ASPSCR1: variants seen among roughly 807,000 people sequenced by gnomAD.
ASPSCR1 encodes the protein tether containing UBX domain for GLUT4.
In ASPSCR1, 55 loss-of-function variants were observed where a neutral mutation model predicts 68.9. The observed-to-expected ratio is 0.80, with a 90% CI of 0.64 to 1.00. ASPSCR1 has a LOEUF of 1.00. ASPSCR1 is among the 50% of genes least tolerant of loss of function. ASPSCR1 has a pLI of 0.00. For missense variants in ASPSCR1, 765 were observed against 762.2 expected (o/e 1.00, Z -0.04); for synonymous variants, 352 against 332.6 (o/e 1.06, Z -0.63).
In ASPSCR1 at chr17:81,987,001, G is replaced by A. The variant is rs557746230; in HGVS notation, c.374+1394G>A. ...ATTCTCCCTCCCAAAACGGAACTCA[G>A]ACAACAGTGACGGAGCCTAAGAGCA... On this transcript the variant is annotated intron_variant, in intron 4 of 15. Coordinates refer to ENST00000306739, the MANE Select transcript of ASPSCR1 (RefSeq NM_024083.4). The surrounding 1 kb of genome is among the most constrained non-coding windows in gnomAD (Gnocchi z 5.6). Among the ~76,000 whole-genome samples, 8 of 152,376 alleles carry A rather than the reference G, an allele frequency of 5.3e-5. No homozygotes were observed. The highest frequency in any genetic ancestry group is 5.2e-4 in the Admixed American group (8 of 15,302).
Position 82,011,440 on chromosome 17 carries a change from C to T in ASPSCR1, c.1238-103C>T, listed in dbSNP as rs769247388. 387 of 1,141,782 alleles carry T rather than the reference C, an allele frequency of 3.4e-4. 1 individual carries two copies. Among genetic ancestry groups the T allele is most frequent in the Non-Finnish European group, 4.4e-4 (359 of 812,766 alleles). 70.7% of individuals were successfully genotyped at this position (1,141,782 alleles called of 1,614,324 possible). A position where few individuals can be genotyped will look rare whatever the true frequency, so the allele number is the denominator to read the frequency against. On this transcript the variant is annotated intron_variant, in intron 10 of 15. Coordinates refer to ENST00000306739, the MANE Select transcript of ASPSCR1 (RefSeq NM_024083.4). ...GGAACAGGGCTGAATTCCCACCCCT[C>T]GGGGAAAGGCCCAGGAGGGTGGGAG...
chr17:81,983,234 C>T lies in ASPSCR1; in HGVS notation c.159-320C>T, dbSNP rs745853989. Among the ~76,000 whole-genome samples, 9 of 152,208 alleles carry T rather than the reference C, an allele frequency of 5.9e-5. No individual in the cohort carries two copies. Among genetic ancestry groups the T allele is most frequent in the African/African-American group, 1.9e-4 (8 of 41,460 alleles). ...AGTGCAGCAGTGTTCACGCCCCAGT[C>T]GTTCTCTCTGTGTTTTCCGAGCGTC... On this transcript the variant is annotated intron_variant, in intron 2 of 15. Coordinates refer to ENST00000306739, the MANE Select transcript of ASPSCR1 (RefSeq NM_024083.4). The surrounding 1 kb of genome is among the most constrained non-coding windows in gnomAD (Gnocchi z 4.4).
At chr17:82,002,833 C>T (rs1214050515) in intron 7 of ASPSCR1, among the ~76,000 whole-genome samples, 1 of 152,120 alleles carries the variant, frequency 6.6e-6, no homozygotes. Context: ...GTTAGGATTA[C>T]AGGCGTGAGC....
At position 82,000,306 on chromosome 17, in the gene ASPSCR1, G is replaced by T. The variant is rs2042486685; in HGVS notation, c.933+3460G>T. On this transcript the variant is annotated intron_variant, in intron 7 of 15. Coordinates refer to ENST00000306739, the MANE Select transcript of ASPSCR1 (RefSeq NM_024083.4). ...GCCCGCCCGTGCTCGCCCGTCGGGA[G>T]GCGCTGTTGGGGTGGGGTCTTGGCT... is the stretch of plus-strand genomic sequence containing the variant. Among the ~76,000 whole-genome samples the T allele has an allele frequency of 2.0e-5, 3 of 152,254 alleles. No individual in the cohort carries two copies. The South Asian group carries it at 6.2e-4, about 31-fold the overall frequency.
At chr17:82,008,880 C>T (rs1332018808) in intron 7 of ASPSCR1, 157 bp from the exon 8 acceptor site, 8 of 1,085,772 alleles carry the variant, frequency 7.4e-6, no homozygotes, top group Non-Finnish European at 1.0e-5. Context: ...CAGCCCTGCC[C>T]CCAGGACCTG....
chr17:81,998,220 C>T (rs983659028), intron 7 of ASPSCR1, among the ~76,000 whole-genome samples: 1 of 152,204 alleles, frequency 6.6e-6, no homozygotes, highest in East Asian at 1.9e-4. Context: ...ATCTTCTTAT[C>T]TCAGCCACCC....
At chr17:81,996,238 G>A (rs1193499220) in intron 6 of ASPSCR1, among the ~76,000 whole-genome samples, 173 bp downstream of exon 6, 3 of 152,116 alleles carry the variant, frequency 2.0e-5, no homozygotes, top group African/African-American at 4.8e-5. Flanking sequence ...GGGCTGCCCC[G>A]ACCTCATCTC....
chr17:82,009,158 T>C lies in ASPSCR1; in HGVS notation c.1055T>C (p.Val352Ala), dbSNP rs1306486380. The change falls in exon 8 of 16, where the codon GTG becomes GCG. Residue 352 changes from valine to alanine, a missense_variant. Val to Ala is a moderately conservative substitution (Grantham distance 64). Coordinates refer to ENST00000306739, the MANE Select transcript of ASPSCR1 (RefSeq NM_024083.4). ...DEFFELTVDD[V>A]RRRLAQLKSE... ...TTCTTTGAGCTGACGGTGGACGACGTGAGAAGACGCTTGGCCCAGCTCAAG... is the reference window on the plus strand; with the variant it reads ...TTCTTTGAGCTGACGGTGGACGACGCGAGAAGACGCTTGGCCCAGCTCAAG... 1.9e-6 allele frequency: 3 copies of C among 1,610,896 alleles called. No homozygotes were observed. The highest frequency in any genetic ancestry group is 2.5e-6 in the Non-Finnish European group (3 of 1,178,958).
chr17:81,997,077 T>A (rs7222219), intron 7 of ASPSCR1, among the ~76,000 whole-genome samples: 1 of 55,640 alleles, frequency 1.8e-5, no homozygotes, highest in Admixed American at 1.4e-4. Flanking sequence ...AGACGGTGGC[T>A]GTGTCTGCTC....
At chr17:81,996,996 A>T in intron 7 of ASPSCR1, 150 bp downstream of exon 7, 1 of 1,454,618 alleles carries the variant, frequency 6.9e-7, no homozygotes, top group Non-Finnish European at 9.1e-7. Flanking sequence ...GGGGCTCTGG[A>T]CAGGAGCCTT....
At chr17:82,007,884 G>A (rs2042775062) in intron 7 of ASPSCR1, 1 of 152,310 alleles carries the variant, frequency 6.6e-6, no homozygotes, top group African/African-American at 2.4e-5. Context: ...GCTGCAGGAT[G>A]GTTGTGGCTT....
chr17:81,996,847 G>A lies in ASPSCR1; in HGVS notation c.933+1G>A, dbSNP rs2042362217. ...CCAGCAGGAGCAGGAGCGGGAGCGG[G>A]TAAAAGGGGCTCTAGGCCTTGGGAC... On this transcript the variant is annotated splice_donor_variant, in intron 7 of 15. Coordinates refer to ENST00000306739, the MANE Select transcript of ASPSCR1 (RefSeq NM_024083.4). LOFTEE classifies it high-confidence loss of function. The A allele has an allele frequency of 2.5e-6, 4 of 1,589,894 alleles. No homozygotes were observed. Among genetic ancestry groups the A allele is most frequent in the Non-Finnish European group, 3.4e-6 (4 of 1,170,116 alleles).
chr17:82,015,125 A>G, intron 12 of ASPSCR1: 1 of 1,598,230 alleles, frequency 6.3e-7, no homozygotes, highest in Non-Finnish European at 8.5e-7. Flanking sequence ...CCTCGCTGAA[A>G]CGGTGCCTGG....
chr17:82,010,337 G>A (rs999274272), intron 9 of ASPSCR1, among the ~76,000 whole-genome samples: 1 of 151,272 alleles, frequency 6.6e-6, no homozygotes, highest in African/African-American at 2.4e-5. Context: ...AGACCATCCT[G>A]GCTGACACGG....
intron 4 of ASPSCR1, among the ~76,000 whole-genome samples, chr17:81,994,553 A>G (rs2042273905): frequency 6.6e-6 from 1 of 151,738 alleles, no homozygotes; most frequent in African/African-American, 2.4e-5. Context: ...CGGCCCCGAG[A>G]CTGGAGGTCT....
rs1282869775 is a variant in ASPSCR1 at position 81,999,308 on chromosome 17, C to T, written c.933+2462C>T. Among the ~76,000 whole-genome samples, 1 of 152,212 alleles carries T rather than the reference C, an allele frequency of 6.6e-6. No individual in the cohort carries two copies. Among genetic ancestry groups the T allele is most frequent in the Non-Finnish European group, 1.5e-5 (1 of 68,036 alleles). On this transcript the variant is annotated intron_variant, in intron 7 of 15. Transcript: ENST00000306739. The surrounding 1 kb of genome is among the most constrained non-coding windows in gnomAD (Gnocchi z 4.4). ...GTGGGCCTGGAAGGCCCCCATGCCTCCATCTCCTGTGGACATTTAAAATAT... is the reference window on the plus strand; with the variant it reads ...GTGGGCCTGGAAGGCCCCCATGCCTTCATCTCCTGTGGACATTTAAAATAT...
Position 81,990,574 on chromosome 17 carries a change from C to T in ASPSCR1, c.375-4247C>T, listed in dbSNP as rs1173453575. ...CTGTGTCTGAGTTTGGGATCTTCCA[C>T]GCCGAGCTCTGGGGGACACTGCTCT... On this transcript the variant is annotated intron_variant, in intron 4 of 15. Coordinates refer to ENST00000306739, the MANE Select transcript of ASPSCR1 (RefSeq NM_024083.4). The surrounding 1 kb of genome is among the most constrained non-coding windows in gnomAD (Gnocchi z 4.1). 2.0e-5 allele frequency among the ~76,000 whole-genome samples: 3 copies of T among 151,926 alleles called. No individual in the cohort carries two copies. The highest frequency in any genetic ancestry group is 4.4e-5 in the Non-Finnish European group (3 of 67,996).
chr17:82,010,375 A>C (rs539084230), intron 9 of ASPSCR1, among the ~76,000 whole-genome samples: 64 of 151,674 alleles, frequency 4.2e-4, no homozygotes, highest in Middle Eastern at 3.4e-3. Flanking sequence ...TAAAAATACA[A>C]AAAATTAGTC....
chr17:82,016,635 A>AGAGG, intron 13 of ASPSCR1, 108 bp downstream of exon 13: 1 of 1,485,800 alleles, frequency 6.7e-7, no homozygotes, highest in Non-Finnish European at 9.1e-7. Flanking sequence ...TTTGGGTCTG[A>AGAGG]GAGGGAGATC....
Sources: allele counts gnomAD v4.1 joint callset (sites outside exome capture counted in the v4.1 genomes callset), GRCh38; gene constraint gnomAD v4.1.1; non-coding constraint Gnocchi (gnomAD v3.1); transcripts MANE v1.5; gene names NCBI Gene and HGNC (gene_info 2026-07-23, HGNC 2026-07-21).